Variants in SKI observed in about 807,000 individuals in gnomAD.
SKI encodes the protein SKI proto-oncogene.
A neutral mutation model predicts 59.3 loss-of-function variants in SKI; 23 were observed. The observed-to-expected ratio is 0.39, with a 90% CI of 0.28 to 0.55. SKI has a LOEUF of 0.55. Among genes scored for constraint, SKI ranks in the 20% least tolerant of loss-of-function variants. The pLI is 0.67. For synonymous variants in SKI, 673 were observed against 488.6 expected, an observed-to-expected ratio of 1.38 and a Z score of -4.98; for missense variants, 1,017 against 1,038.9, an observed-to-expected ratio of 0.98 and a Z score of 0.29.
chr1:2,228,652 G>T lies in SKI; in HGVS notation c.-115G>T. 1 of 412,500 alleles carries T rather than the reference G, an allele frequency of 2.4e-6. No homozygotes were observed. The highest frequency in any genetic ancestry group is 3.2e-6 in the Non-Finnish European group (1 of 310,650). The allele number at this position is 412,500 out of a possible 1,614,324, so 25.6% of individuals were successfully genotyped here. ...CCGTGATCGGCCGTGAGCCGGCGGC[G>T]GGGGGCGGCCGGGGTCGGGGCCGCG... On this transcript the variant is annotated 5_prime_UTR_variant, in exon 1 of 7. Transcript: ENST00000378536.
At chr1:2,274,006 C>G (rs1350181421) in intron 1 of SKI, among the ~76,000 whole-genome samples, 1 of 151,912 alleles carries the variant, frequency 6.6e-6, no homozygotes, top group Non-Finnish European at 1.5e-5. Context: ...CAGAGGCATG[C>G]TGAGCGCCCA....
intron 1 of SKI, among the ~76,000 whole-genome samples, chr1:2,230,049 C>G (rs943788836): frequency 2.0e-5 from 3 of 152,218 alleles, no homozygotes; most frequent in African/African-American, 4.8e-5. Flanking sequence ...AGGCACAGGC[C>G]TCATGCTCCC....
intron 1 of SKI, among the ~76,000 whole-genome samples, chr1:2,264,952 AG>A (rs1639468629): frequency 6.6e-6 from 1 of 151,930 alleles, no homozygotes; most frequent in Non-Finnish European, 1.5e-5. Context: ...CTGGGATTAC[AG>A]GCACCCGCCA....
chr1:2,264,765 G>C (rs542254515), intron 1 of SKI, among the ~76,000 whole-genome samples: 32 of 152,072 alleles, frequency 2.1e-4, no homozygotes, highest in African/African-American at 7.5e-4. Flanking sequence ...TCCAGAGAGA[G>C]ATCTGCTCAT....
At chr1:2,254,090 A>T (rs567200274) in intron 1 of SKI, among the ~76,000 whole-genome samples, 2 of 152,280 alleles carry the variant, frequency 1.3e-5, no homozygotes, top group East Asian at 3.9e-4. Flanking sequence ...ACCATTCTAG[A>T]CATTCCAGGT....
intron 1 of SKI, among the ~76,000 whole-genome samples, chr1:2,256,475 G>A (rs774862006): frequency 9.9e-5 from 15 of 152,208 alleles, no homozygotes; most frequent in Non-Finnish European, 1.5e-4. Flanking sequence ...TCCAGAGGCC[G>A]ATGGCCAGCT....
intron 1 of SKI, among the ~76,000 whole-genome samples, chr1:2,273,050 C>G (rs1639660620): frequency 6.6e-6 from 1 of 152,224 alleles, no homozygotes; most frequent in South Asian, 2.1e-4. Context: ...TTGGTGCCAC[C>G]TGCGTTCAGT....
At chr1:2,289,013 C>T (rs1041363575) in intron 1 of SKI, among the ~76,000 whole-genome samples, 25 of 152,220 alleles carry the variant, frequency 1.6e-4, no homozygotes, top group African/African-American at 6.0e-4. Flanking sequence ...GAATCGCATG[C>T]ACCTGTCACT....
chr1:2,243,052 C>T (rs75875721), intron 1 of SKI, among the ~76,000 whole-genome samples: 2,220 of 152,356 alleles, frequency 0.015, 63 homozygotes, highest in African/African-American at 0.05. Context: ...GGCGTGTGAA[C>T]GCGGTTCCCC....
In SKI at chr1:2,262,303, G is replaced by A. The variant is rs562079921; in HGVS notation, c.969+32568G>A. Among the ~76,000 whole-genome samples, 14 of 144,710 alleles carry A rather than the reference G, an allele frequency of 9.7e-5. No homozygotes were observed. In the South Asian group the frequency reaches 2.0e-3, roughly 21 times the overall value. The allele number at this position is 144,710 out of a possible 152,430, so 94.9% of individuals were successfully genotyped here. On this transcript the variant is annotated intron_variant, in intron 1 of 6. Transcript: ENST00000378536. Reference sequence around the variant, plus strand: ...AATCAGAGTTTGGATGGGAGTGGTCGGAGTGGACACCCTCGCTCCTGATCT... The same window carrying A: ...AATCAGAGTTTGGATGGGAGTGGTCAGAGTGGACACCCTCGCTCCTGATCT...
At position 2,271,477 on chromosome 1, in the gene SKI, C is replaced by T. The variant is rs74723732; in HGVS notation, c.970-31501C>T. ...ACTCATTCAATGTCCCTCTCTCAGA[C>T]GGCCTCCAGCGTGGCGATTAAGCGC... On this transcript the variant is annotated intron_variant, in intron 1 of 6. Coordinates refer to ENST00000378536, the MANE Select transcript of SKI (RefSeq NM_003036.4). Among the ~76,000 whole-genome samples the T allele has an allele frequency of 1.2e-3, 186 of 152,296 alleles. 5 individuals are homozygous for T. In the East Asian group the frequency reaches 0.021, roughly 17 times the overall value.
At chr1:2,232,494 G>C (rs1638660543) in intron 1 of SKI, 1 of 152,290 alleles carries the variant, frequency 6.6e-6, no homozygotes, top group Non-Finnish European at 1.5e-5. Context: ...CTGTGCCTGA[G>C]CCTCTGGCCT....
At chr1:2,245,788 CT>C (rs766445644) in intron 1 of SKI, among the ~76,000 whole-genome samples, 184 of 70,368 alleles carry the variant, frequency 2.6e-3, no homozygotes, top group Middle Eastern at 0.015. Context: ...ATTTTTCCTT[CT>C]TTTTTTTTTT....
At chr1:2,273,389 G>A (rs1328971304) in intron 1 of SKI, among the ~76,000 whole-genome samples, 1 of 152,188 alleles carries the variant, frequency 6.6e-6, no homozygotes, top group Non-Finnish European at 1.5e-5. Flanking sequence ...GTCAGAGGGT[G>A]GCATTCCTCC....
intron 1 of SKI, among the ~76,000 whole-genome samples, chr1:2,260,109 C>T (rs967525582): frequency 3.3e-5 from 5 of 152,352 alleles, no homozygotes; most frequent in African/African-American, 7.2e-5. Flanking sequence ...AAGGTGGCTG[C>T]ACCATTCCTC....
At position 2,229,717 on chromosome 1, in the gene SKI, C is replaced by T; in HGVS notation, c.951C>T (p.Tyr317=). 1.3e-6 allele frequency: 2 copies of T among 1,571,848 alleles called. No individual in the cohort carries two copies. The highest frequency in any genetic ancestry group is 1.7e-6 in the Non-Finnish European group (2 of 1,159,232). Residue 317 remains tyrosine (Y), a synonymous_variant, in exon 1 of 7, where the codon TAC becomes TAT. Transcript: ENST00000378536. The surrounding 1 kb of genome is among the most constrained non-coding windows in gnomAD (Gnocchi z 6.3). ...VKEKFDYGNK[Y]KRRVPRVSSE... ...AGAAATTCGACTATGGCAACAAGTA[C>T]AAGCGGCGGGTGCCCCGGGTGAGTG...
intron 1 of SKI, among the ~76,000 whole-genome samples, chr1:2,277,519 C>T (rs1392106194): frequency 6.6e-6 from 1 of 152,208 alleles, no homozygotes; most frequent in Non-Finnish European, 1.5e-5. Flanking sequence ...AAGTGCCTTT[C>T]ACCACCCGCC....
In SKI at chr1:2,254,981, C is replaced by G. The variant is rs534036316; in HGVS notation, c.969+25246C>G. ...GCTGGGCACTGCCCCACAGTGTCAC[C>G]TCTGTGTCCTGTGGTGCGTGCTGTG... On this transcript the variant is annotated intron_variant, in intron 1 of 6. Transcript: ENST00000378536. 5.3e-5 allele frequency among the ~76,000 whole-genome samples: 8 copies of G among 152,312 alleles called. No homozygotes were observed. In the South Asian group the frequency reaches 1.7e-3, roughly 32 times the overall value.
chr1:2,248,334 G>A (rs1053623235), intron 1 of SKI, among the ~76,000 whole-genome samples: 10 of 152,268 alleles, frequency 6.6e-5, no homozygotes, highest in African/African-American at 2.4e-4. Flanking sequence ...GGAATCAGGA[G>A]CAGGCTGTGG....
Sources: allele counts gnomAD v4.1 joint callset (sites outside exome capture counted in the v4.1 genomes callset), GRCh38; gene constraint gnomAD v4.1.1; non-coding constraint Gnocchi (gnomAD v3.1); transcripts MANE v1.5; gene names NCBI Gene and HGNC (gene_info 2026-07-23, HGNC 2026-07-21).